Variants in PLEKHM3 observed in about 807,000 individuals in gnomAD.
The protein encoded by PLEKHM3 is pleckstrin homology domain-containing family M member 3.
A neutral mutation model predicts 81.8 loss-of-function variants in PLEKHM3; 45 were observed. The ratio of observed to expected loss-of-function variants is 0.55; its 90% CI spans 0.43 to 0.71. The LOEUF is 0.71. PLEKHM3 is among the 30% of genes least tolerant of loss of function. PLEKHM3 has a pLI of 0.00. For missense variants in PLEKHM3, 788 were observed against 924.3 expected (o/e 0.85, Z 1.91); for synonymous variants, 352 against 356.4 (o/e 0.99, Z 0.14).
At chr2:207,903,494 G>A (rs1325352669) in intron 6 of PLEKHM3, among the ~76,000 whole-genome samples, 1 of 152,144 alleles carries the variant, frequency 6.6e-6, no homozygotes, top group Non-Finnish European at 1.5e-5. Context: ...CCAAAGGTGA[G>A]TAATACCAGA....
intron 6 of PLEKHM3, among the ~76,000 whole-genome samples, chr2:207,872,424 C>T (rs2092539366): frequency 6.6e-6 from 1 of 152,198 alleles, no homozygotes. Flanking sequence ...ATGGTCACAT[C>T]TCATGCAATT....
In PLEKHM3 at chr2:207,860,956, G is replaced by C. The variant is rs2092464091; in HGVS notation, c.2108+149C>G. 5.7e-6 allele frequency: 5 copies of C among 882,338 alleles called. No homozygotes were observed. The East Asian group carries it at 1.3e-4, about 23-fold the overall frequency. The allele number at this position is 882,338 out of a possible 1,614,324, so 54.7% of individuals were successfully genotyped here. A position where few individuals can be genotyped will look rare whatever the true frequency, so the allele number is the denominator to read the frequency against. On this transcript the variant is annotated intron_variant, in intron 7 of 7. Transcript: ENST00000427836. The stretch of plus-strand genomic sequence containing the variant: ...TGGAAATAAATACAGGAAACCAAAG[G>C]GGGAAACATGTTCTCCAAGAACAAG...
intron 3 of PLEKHM3, among the ~76,000 whole-genome samples, chr2:207,964,876 C>T (rs965609839): frequency 2.4e-4 from 37 of 152,136 alleles, no homozygotes; most frequent in Non-Finnish European, 5.0e-4. Flanking sequence ...GTACTTTACC[C>T]CCACACCTCA....
intron 6 of PLEKHM3, among the ~76,000 whole-genome samples, chr2:207,904,311 T>C (rs1411605928): frequency 1.3e-5 from 2 of 152,086 alleles, no homozygotes; most frequent in Non-Finnish European, 2.9e-5. Context: ...ACACAAGAAA[T>C]GAGTAAAGGA....
intron 6 of PLEKHM3, among the ~76,000 whole-genome samples, chr2:207,874,120 T>C (rs1054158826): frequency 2.6e-5 from 4 of 152,228 alleles, no homozygotes; most frequent in Non-Finnish European, 5.9e-5. Context: ...GCAGTGTCTG[T>C]ATGCCTGGGC....
Position 207,865,801 on chromosome 2 carries a change from A to AAAAAAAAAAT in PLEKHM3, c.1951-4540_1951-4539insATTTTTTTTT. Among the ~76,000 whole-genome samples the AAAAAAAAAAT allele has an allele frequency of 1.6e-3, 41 of 25,268 alleles. 3 individuals carry two copies. Among genetic ancestry groups the AAAAAAAAAAT allele is most frequent in the South Asian group, 3.2e-3 (3 of 924 alleles). 16.6% of individuals were successfully genotyped at this position (25,268 alleles called of 152,430 possible). ...CGACTCAAAAAAAAAAAAAAAAAAA[A>AAAAAAAAAAT]AGATATATATATATATATATATATA... On this transcript the variant is annotated intron_variant, in intron 6 of 7. Transcript: ENST00000427836.
chr2:207,884,200 C>T (rs1013501177), intron 6 of PLEKHM3, among the ~76,000 whole-genome samples: 5 of 128,152 alleles, frequency 3.9e-5, no homozygotes, highest in African/African-American at 1.5e-4. Flanking sequence ...TTATCTGATA[C>T]AGGACATCTG....
intron 6 of PLEKHM3, among the ~76,000 whole-genome samples, chr2:207,906,655 G>A (rs1407667252): frequency 6.6e-6 from 1 of 152,064 alleles, no homozygotes; most frequent in Non-Finnish European, 1.5e-5. Flanking sequence ...CAGGGCTGGT[G>A]GTACATGCTT....
At chr2:208,003,985 CAA>C (rs1241726357) in intron 1 of PLEKHM3, among the ~76,000 whole-genome samples, 1 of 152,062 alleles carries the variant, frequency 6.6e-6, no homozygotes, top group Non-Finnish European at 1.5e-5. Context: ...TCCAGTGTTT[CAA>C]ATTTAGTCTT....
At chr2:207,873,012 T>G (rs2092542999) in intron 6 of PLEKHM3, among the ~76,000 whole-genome samples, 2 of 151,922 alleles carry the variant, frequency 1.3e-5, no homozygotes, top group South Asian at 4.2e-4. Context: ...AAAACAAAAG[T>G]AGCATTACCT....
Position 207,823,158 on chromosome 2 carries a change from A to C in PLEKHM3, c.*5161T>G, listed in dbSNP as rs897476124. ...CATTCAAAGTCTTGTCTTTCTAACA[A>C]GACGAACAGGCAGTGGCTTCTCTTT... On this transcript the variant is annotated 3_prime_UTR_variant, in exon 8 of 8. Coordinates refer to ENST00000427836, the MANE Select transcript of PLEKHM3 (RefSeq NM_001080475.3). 4 of 152,192 alleles carry C rather than the reference A, an allele frequency of 2.6e-5. No homozygotes were observed. The highest frequency in any genetic ancestry group is 2.6e-4 in the Admixed American group (4 of 15,270). 9.4% of individuals were successfully genotyped at this position (152,192 alleles called of 1,614,324 possible). A position where few individuals can be genotyped will look rare whatever the true frequency, so the allele number is the denominator to read the frequency against.
chr2:207,908,074 G>C (rs933247584), intron 6 of PLEKHM3, among the ~76,000 whole-genome samples: 5 of 151,986 alleles, frequency 3.3e-5, no homozygotes, highest in African/African-American at 4.8e-5. Flanking sequence ...AACACATTTT[G>C]TTCATCCATT....
intron 7 of PLEKHM3, among the ~76,000 whole-genome samples, chr2:207,837,637 T>TTTTC: frequency 6.8e-6 from 1 of 146,846 alleles, no homozygotes; most frequent in Non-Finnish European, 1.5e-5. Context: ...TCTCCCTTTT[T>TTTTC]TTTTTTTTTT....
intron 7 of PLEKHM3, chr2:207,851,376 A>G (rs924340700): frequency 6.6e-6 from 1 of 152,164 alleles, no homozygotes; most frequent in Non-Finnish European, 1.5e-5. Flanking sequence ...TTCTTATTGT[A>G]TTTAAAAATC....
chr2:207,999,668 C>G (rs1257781065), intron 2 of PLEKHM3, among the ~76,000 whole-genome samples: 1 of 152,150 alleles, frequency 6.6e-6, no homozygotes, highest in Non-Finnish European at 1.5e-5. Flanking sequence ...CTCCCATGGT[C>G]ACTACCCTTG....
At chr2:207,948,349 CTTTTT>C (rs752976462) in intron 3 of PLEKHM3, among the ~76,000 whole-genome samples, 1 of 81,066 alleles carries the variant, frequency 1.2e-5, no homozygotes, top group Non-Finnish European at 2.2e-5. Flanking sequence ...CTCCTCAGAT[CTTTTT>C]TTTTTTTTTT....
intron 7 of PLEKHM3, among the ~76,000 whole-genome samples, chr2:207,854,413 T>C (rs1488043464): frequency 6.6e-6 from 1 of 152,206 alleles, no homozygotes; most frequent in Non-Finnish European, 1.5e-5. Flanking sequence ...ATTGTATTAC[T>C]TAATCCATAA....
intron 6 of PLEKHM3, among the ~76,000 whole-genome samples, chr2:207,885,985 A>T (rs1228067723): frequency 6.6e-6 from 1 of 152,216 alleles, no homozygotes; most frequent in Non-Finnish European, 1.5e-5. Context: ...GCAGAGAGTG[A>T]CTGAACAGTG....
In PLEKHM3 at chr2:207,908,531, G is replaced by GTGAA; in HGVS notation, c.1929_1932dup (p.Leu645PhefsTer22). On this transcript the variant is annotated frameshift_variant, in exon 6 of 8. Coordinates refer to ENST00000427836, the MANE Select transcript of PLEKHM3 (RefSeq NM_001080475.3). LOFTEE classifies it high-confidence loss of function. ...GCACTTACCTGCTGCAGGTCGGCAA[G>GTGAA]TGAATACAGGTGGATCTGTTGAAGG... 1 of 1,612,500 alleles carries GTGAA rather than the reference G, an allele frequency of 6.2e-7. No individual in the cohort carries two copies. The highest frequency in any genetic ancestry group is 8.5e-7 in the Non-Finnish European group (1 of 1,179,606).
Sources: allele counts gnomAD v4.1 joint callset (sites outside exome capture counted in the v4.1 genomes callset), GRCh38; gene constraint gnomAD v4.1.1; transcripts MANE v1.5; gene names NCBI Gene and HGNC (gene_info 2026-07-23, HGNC 2026-07-21).